WWTR1: variants seen among roughly 807,000 people sequenced by gnomAD.
The protein encoded by WWTR1 is WW domain containing transcription regulator 1.
WWTR1 carries 13 observed loss-of-function variants against 40.1 expected under a neutral mutation model. That is an observed-to-expected ratio of 0.32 (90% CI 0.21 to 0.52). The LOEUF (loss-of-function observed/expected upper bound fraction) is 0.52, where lower values mean the gene tolerates loss of function less well. Ranked by LOEUF, WWTR1 falls within the 20% of genes least tolerant of loss-of-function variation. WWTR1 has a pLI of 0.97. For synonymous variants in WWTR1, 230 were observed against 210.1 expected (o/e 1.09, Z -0.82); for missense variants, 436 against 523.1 (o/e 0.83, Z 1.63).
chr3:149,547,927 C>A, intron 3 of WWTR1, among the ~76,000 whole-genome samples: 1 of 145,010 alleles, frequency 6.9e-6, no homozygotes, highest in African/African-American at 2.5e-5. Context: ...TGGCATTATT[C>A]AATATAAAGG....
intron 1 of WWTR1, among the ~76,000 whole-genome samples, chr3:149,680,483 G>T (rs1017922367): frequency 2.6e-5 from 4 of 152,136 alleles, no homozygotes; most frequent in African/African-American, 4.8e-5. Flanking sequence ...GGCGGAGGTT[G>T]CAGTGAGCCA....
chr3:149,600,402 A>C (rs1378291747), intron 2 of WWTR1, among the ~76,000 whole-genome samples: 2 of 152,238 alleles, frequency 1.3e-5, no homozygotes, highest in Non-Finnish European at 2.9e-5. Flanking sequence ...TTAAGCTAAT[A>C]AAGTCACAGG....
chr3:149,706,479 C>T (rs368287386), upstream of WWTR1, among the ~76,000 whole-genome samples: 17 of 151,810 alleles, frequency 1.1e-4, no homozygotes, highest in East Asian at 1.4e-3. Flanking sequence ...CCACCACGCC[C>T]GGCTAATTTT....
intron 4 of WWTR1, among the ~76,000 whole-genome samples, chr3:149,539,083 A>G (rs989425223): frequency 1.3e-5 from 2 of 152,200 alleles, no homozygotes; most frequent in African/African-American, 4.8e-5. Context: ...TTCAATGCCA[A>G]TGAGTTAATA....
intron 3 of WWTR1, among the ~76,000 whole-genome samples, chr3:149,565,407 A>G (rs911631776): frequency 2.0e-5 from 3 of 151,956 alleles, no homozygotes; most frequent in Non-Finnish European, 2.9e-5. Context: ...TAAATTTCAT[A>G]TAATAAAACC....
At chr3:149,522,485 A>G (rs1576533123) in intron 6 of WWTR1, among the ~76,000 whole-genome samples, 1 of 152,304 alleles carries the variant, frequency 6.6e-6, no homozygotes. Context: ...CAACAATATG[A>G]CCTCAATATA....
intron 2 of WWTR1, among the ~76,000 whole-genome samples, chr3:149,639,886 T>C (rs1486747750): frequency 6.7e-6 from 1 of 148,882 alleles, no homozygotes; most frequent in African/African-American, 2.5e-5. Flanking sequence ...CCCAGCTACT[T>C]GGGAGGCTGA....
intron 3 of WWTR1, among the ~76,000 whole-genome samples, chr3:149,550,091 T>C (rs994641487): frequency 1.3e-5 from 2 of 152,078 alleles, no homozygotes; most frequent in African/African-American, 4.8e-5. Flanking sequence ...CTAAAACTGG[T>C]TTGAAAAACA....
intron 1 of WWTR1, among the ~76,000 whole-genome samples, chr3:149,682,877 G>GT (rs1410124029): frequency 6.6e-5 from 10 of 152,034 alleles, no homozygotes; most frequent in African/African-American, 9.7e-5. Flanking sequence ...ATGGAAAGCT[G>GT]TAAGAAGCCA....
At chr3:149,715,041 G>C (rs1253502441) in intron 5 of WWTR1, among the ~76,000 whole-genome samples, 1 of 152,148 alleles carries the variant, frequency 6.6e-6, no homozygotes, top group African/African-American at 2.4e-5. Flanking sequence ...GAAAGAAGCT[G>C]CCCACTGCAG....
At chr3:149,589,645 A>AG (rs1409396933) in intron 2 of WWTR1, among the ~76,000 whole-genome samples, 2 of 121,534 alleles carry the variant, frequency 1.6e-5, no homozygotes, top group East Asian at 3.0e-4. Flanking sequence ...CCTTTCCATG[A>AG]GTTTTTTTTT....
At chr3:149,685,477 T>C (rs897207834) in intron 1 of WWTR1, among the ~76,000 whole-genome samples, 1 of 152,248 alleles carries the variant, frequency 6.6e-6, no homozygotes, top group Non-Finnish European at 1.5e-5. Flanking sequence ...CTTCTTGCTC[T>C]GGGCTCTGAG....
In WWTR1 at chr3:149,627,433, A is replaced by G. The variant is rs184989773; in HGVS notation, c.431+29443T>C. The stretch of plus-strand genomic sequence containing the variant: ...AATTTTGATGGGAAGAAACTATGGT[A>G]TACAGTCCTAGGAGTGAGGAAGCCT... On this transcript the variant is annotated intron_variant, in intron 2 of 6. Transcript: ENST00000360632. 2.4e-3 allele frequency among the ~76,000 whole-genome samples: 368 copies of G among 152,322 alleles called. 1 individual carries two copies. Among genetic ancestry groups the G allele is most frequent in the African/African-American group, 8.6e-3 (358 of 41,586 alleles).
intron 2 of WWTR1, among the ~76,000 whole-genome samples, chr3:149,667,317 G>C (rs1020830272): frequency 5.3e-5 from 8 of 152,016 alleles, no homozygotes; most frequent in Non-Finnish European, 8.8e-5. Flanking sequence ...GAGGCTGAGG[G>C]GGGGTGGATC....
chr3:149,532,786 C>G (rs1735647215), intron 4 of WWTR1, among the ~76,000 whole-genome samples: 1 of 152,224 alleles, frequency 6.6e-6, no homozygotes, highest in Non-Finnish European at 1.5e-5. Context: ...ATCCACTACC[C>G]TTGCGTGGGT....
At chr3:149,687,876 C>G (rs750169530) in intron 1 of WWTR1, among the ~76,000 whole-genome samples, 1 of 152,022 alleles carries the variant, frequency 6.6e-6, no homozygotes, top group African/African-American at 2.4e-5. Flanking sequence ...AACCCACTGT[C>G]CTGAAGGGAG....
intron 2 of WWTR1, among the ~76,000 whole-genome samples, chr3:149,622,358 A>C (rs1012717873): frequency 1.8e-4 from 27 of 152,014 alleles, no homozygotes; most frequent in Admixed American, 6.6e-5. Flanking sequence ...AGAGACATTA[A>C]ATTTATACCA....
intron 1 of WWTR1, chr3:149,701,969 T>A (rs1273760633): frequency 5.7e-6 from 1 of 175,286 alleles, no homozygotes; most frequent in Admixed American, 6.3e-5. Flanking sequence ...TTGGTTTTAC[T>A]TGAATGATTC....
intron 3 of WWTR1, among the ~76,000 whole-genome samples, chr3:149,550,642 G>A (rs1292868544): frequency 6.6e-6 from 1 of 152,288 alleles, no homozygotes; most frequent in African/African-American, 2.4e-5. Flanking sequence ...GGAAAAAAGC[G>A]GACAGGGAAT....
Sources: gnomAD v4.1 joint callset for allele counts (sites outside exome capture counted in the v4.1 genomes callset) on GRCh38, gnomAD v4.1.1 for gene constraint, MANE v1.5 for transcripts, NCBI Gene and HGNC (gene_info 2026-07-23, HGNC 2026-07-21) for gene names.